Variants in SPTA1 observed in about 807,000 individuals in gnomAD.
SPTA1 encodes spectrin alpha chain, erythrocytic 1.
A neutral mutation model predicts 324.7 loss-of-function variants in SPTA1; 177 were observed. The ratio of observed to expected loss-of-function variants is 0.55; its 90% CI spans 0.48 to 0.62. SPTA1 has a LOEUF of 0.62. Ranked by LOEUF, SPTA1 falls within the 20% of genes least tolerant of loss-of-function variation. The probability of loss-of-function intolerance (pLI) is 0.00; values close to 1 mark genes in which losing one functional copy is unlikely to be tolerated. For missense variants in SPTA1, 3,162 were observed against 2,883.6 expected (o/e 1.10, Z -2.21); for synonymous variants, 1,195 against 1,041.3 (o/e 1.15, Z -2.84).
chr1:158,656,385 A>C (rs1353227014), intron 20 of SPTA1, among the ~76,000 whole-genome samples, 179 bp downstream of exon 20: 6 of 152,226 alleles, frequency 3.9e-5, no homozygotes, highest in Non-Finnish European at 7.4e-5. Context: ...TCTTTTGGAC[A>C]AAGTCTCCTT....
chr1:158,649,921 C>T lies in SPTA1; in HGVS notation c.3504G>A (p.Leu1168=), dbSNP rs1375445290. 3.1e-6 allele frequency: 5 copies of T among 1,613,790 alleles called. No individual in the cohort carries two copies. The highest frequency in any genetic ancestry group is 3.4e-6 in the Non-Finnish European group (4 of 1,179,838). Residue 1168 remains leucine, a synonymous_variant, in exon 25 of 52, where the codon TTG becomes TTA. Transcript: ENST00000643759. ...RQELNSRWGS[L]QRLADEQRQL... ...GCCGCTGTTCATCTGCAAGCCTCTGCAAAGAACCCCAGCGGGAATTCAATT... is the reference window on the plus strand; with the variant it reads ...GCCGCTGTTCATCTGCAAGCCTCTGTAAAGAACCCCAGCGGGAATTCAATT...
In SPTA1 at chr1:158,625,493, C is replaced by A. The variant is rs75764084; in HGVS notation, c.5910+653G>T. On this transcript the variant is annotated intron_variant, in intron 42 of 51. Coordinates refer to ENST00000643759, the MANE Select transcript of SPTA1 (RefSeq NM_003126.4). Reference sequence around the variant, plus strand: ...TACATACAATATACAATAAAATAGACTGTTGCTGGATATAAATCAAGTTTC... The same window carrying A: ...TACATACAATATACAATAAAATAGAATGTTGCTGGATATAAATCAAGTTTC... 7.4e-3 allele frequency among the ~76,000 whole-genome samples: 1,123 copies of A among 151,914 alleles called. 9 individuals are homozygous for A. The highest frequency in any genetic ancestry group is 0.025 in the African/African-American group (1,048 of 41,456).
At chr1:158,679,199 C>T (rs1261358510) in intron 5 of SPTA1, among the ~76,000 whole-genome samples, 1 of 152,088 alleles carries the variant, frequency 6.6e-6, no homozygotes, top group Admixed American at 6.6e-5. Context: ...ATTCCCAAGT[C>T]TCTCCAGACA....
chr1:158,645,707 T>C, intron 27 of SPTA1, 113 bp from the exon 28 acceptor site: 1 of 1,134,200 alleles, frequency 8.8e-7, no homozygotes, highest in Non-Finnish European at 1.3e-6. Context: ...ACATTTTTTA[T>C]CTGGCTTTAT....
At chr1:158,614,346 G>T in intron 48 of SPTA1, 40 bp from the exon 49 acceptor site, 1 of 1,394,094 alleles carries the variant, frequency 7.2e-7, no homozygotes, top group Admixed American at 1.8e-5. Context: ...CCCTGTATAT[G>T]AAACACAGGT....
intron 16 of SPTA1, among the ~76,000 whole-genome samples, chr1:158,664,484 C>T (rs971151445): frequency 3.9e-5 from 6 of 152,078 alleles, no homozygotes; most frequent in Non-Finnish European, 8.8e-5. Context: ...ACAATGACAA[C>T]ACATGGACAC....
chr1:158,622,427 T>A (rs1047391118), intron 43 of SPTA1, among the ~76,000 whole-genome samples: 2 of 152,158 alleles, frequency 1.3e-5, no homozygotes, highest in Non-Finnish European at 2.9e-5. Flanking sequence ...ATGAATGTAA[T>A]AATGTAATAA....
Position 158,642,404 on chromosome 1 carries a change from G to A in SPTA1, c.4737+7C>T. ...CTTTGTAGCCCAAAACTCATCCTGA[G>A]CTTTACCTTCATGGCCTCTTCATTG... is the stretch of plus-strand genomic sequence containing the variant. On this transcript the variant is annotated splice_region_variant and intron_variant, in intron 33 of 51. Transcript: ENST00000643759. 1 of 1,612,942 alleles carries A rather than the reference G, an allele frequency of 6.2e-7. No homozygotes were observed. Among genetic ancestry groups the A allele is most frequent in the Non-Finnish European group, 8.5e-7 (1 of 1,179,354 alleles).
At chr1:158,664,338 C>T (rs1021832803) in intron 16 of SPTA1, among the ~76,000 whole-genome samples, 1 of 152,126 alleles carries the variant, frequency 6.6e-6, no homozygotes, top group Non-Finnish European at 1.5e-5. Flanking sequence ...ATATAGAATA[C>T]TATGCAGCCA....
chr1:158,634,447 G>C, intron 39 of SPTA1, 96 bp downstream of exon 39: 3 of 1,534,158 alleles, frequency 2.0e-6, no homozygotes, highest in Non-Finnish European at 2.7e-6. Context: ...TCTTTCACCA[G>C]AAAAATGTCC....
chr1:158,626,231 C>A lies in SPTA1; in HGVS notation c.5834-9G>T. The A allele has an allele frequency of 6.2e-7, 1 of 1,612,848 alleles. No individual in the cohort carries two copies. The highest frequency in any genetic ancestry group is 8.5e-7 in the Non-Finnish European group (1 of 1,179,136). On this transcript the variant is annotated splice_polypyrimidine_tract_variant and intron_variant, in intron 41 of 51. Transcript: ENST00000643759. ...GCTTGTTTCCTTATCAGCTAAAAGG[C>A]AAAAACAATTAAGAAGAGAAAGACA...
intron 14 of SPTA1, 72 bp from the exon 15 acceptor site, chr1:158,668,134 G>C: frequency 1.3e-6 from 2 of 1,491,058 alleles, no homozygotes; most frequent in East Asian, 4.5e-5. Context: ...GAGAATAAGA[G>C]GTTACTTCTC....
At chr1:158,677,633 AT>A in intron 7 of SPTA1, 56 bp downstream of exon 7, 1 of 1,603,458 alleles carries the variant, frequency 6.2e-7, no homozygotes, top group Non-Finnish European at 8.5e-7. Context: ...AGGCAAGATA[AT>A]CAACAATTGC....
chr1:158,614,381 G>A (rs950375920), intron 48 of SPTA1, 75 bp from the exon 49 acceptor site: 4 of 1,072,410 alleles, frequency 3.7e-6, no homozygotes, highest in African/African-American at 1.6e-5. Flanking sequence ...CCACATGGAA[G>A]AGAGAGGAAT....
At chr1:158,633,554 G>A (rs978469694) in intron 39 of SPTA1, among the ~76,000 whole-genome samples, 3 of 151,324 alleles carry the variant, frequency 2.0e-5, no homozygotes, top group East Asian at 1.9e-4. Flanking sequence ...CCAGCTACTC[G>A]GGAGGCTGAG....
rs752150980 is a variant in SPTA1, at chr1:158,615,343, C to T, written c.6661G>A (p.Asp2221Asn). 3.1e-6 allele frequency: 5 copies of T among 1,613,974 alleles called. No individual in the cohort carries two copies. Among genetic ancestry groups the T allele is most frequent in the Non-Finnish European group, 4.2e-6 (5 of 1,180,024 alleles). Reference protein sequence around the residue: ...RQLTKIVDLGDNLEDALILDI... With the variant: ...RQLTKIVDLGNNLEDALILDI... Reference sequence around the variant, plus strand: ...AGGATCAGAGCGTCTTCCAAGTTGTCCCCCAGGTCCACAATCTTGGTTAGT... The same window carrying T: ...AGGATCAGAGCGTCTTCCAAGTTGTTCCCCAGGTCCACAATCTTGGTTAGT... The change falls in exon 48 of 52, where the codon GAC becomes AAC. Residue 2221 changes from aspartate to asparagine, a missense_variant. Coordinates refer to ENST00000643759, the MANE Select transcript of SPTA1 (RefSeq NM_003126.4).
intron 27 of SPTA1, among the ~76,000 whole-genome samples, chr1:158,646,814 C>G (rs1390309808): frequency 6.6e-6 from 1 of 152,138 alleles, no homozygotes; most frequent in African/African-American, 2.4e-5. Context: ...CTACAACTTC[C>G]TGGACCCTCT....
intron 33 of SPTA1, among the ~76,000 whole-genome samples, chr1:158,642,165 G>T (rs538037788): frequency 5.9e-5 from 9 of 152,090 alleles, no homozygotes; most frequent in East Asian, 1.9e-4. Context: ...GTTGTGGGGT[G>T]GGGGGAGGAG....
chr1:158,626,378 G>A (rs914765220), intron 41 of SPTA1, among the ~76,000 whole-genome samples, 156 bp from the exon 42 acceptor site: 2 of 152,084 alleles, frequency 1.3e-5, no homozygotes, highest in Non-Finnish European at 2.9e-5. Context: ...CCAATGGATC[G>A]TTTTTCTACC....
Sources: gnomAD v4.1 joint callset for allele counts (sites outside exome capture counted in the v4.1 genomes callset) on GRCh38, gnomAD v4.1.1 for gene constraint, MANE v1.5 for transcripts, NCBI Gene and HGNC (gene_info 2026-07-23, HGNC 2026-07-21) for gene names.